The following HMCN1 variants were observed in gnomAD, a reference collection of about 807,000 sequenced individuals.
The protein encoded by HMCN1 is hemicentin 1.
A neutral mutation model predicts 625.9 loss-of-function variants in HMCN1; 321 were observed. That is an observed-to-expected ratio of 0.51 (90% CI 0.47 to 0.56). The LOEUF (loss-of-function observed/expected upper bound fraction) is 0.56, where lower values mean the gene tolerates loss of function less well. Ranked by LOEUF, HMCN1 falls within the 20% of genes least tolerant of loss-of-function variation. The pLI, the probability that HMCN1 is intolerant of heterozygous loss-of-function variation, is 0.00. For synonymous variants in HMCN1, 2,425 were observed against 2,417.6 expected, an observed-to-expected ratio of 1.00 and a Z score of -0.09; for missense variants, 6,588 against 6,887.3, an observed-to-expected ratio of 0.96 and a Z score of 1.54.
intron 4 of HMCN1, among the ~76,000 whole-genome samples, chr1:185,868,605 A>T (rs1663420609): frequency 6.6e-6 from 1 of 152,142 alleles, no homozygotes; most frequent in African/African-American, 2.4e-5. Flanking sequence ...AAGTTTTCTG[A>T]GGCCTCCCCA....
chr1:185,981,340 A>C (rs997170912), intron 17 of HMCN1, among the ~76,000 whole-genome samples: 1 of 152,084 alleles, frequency 6.6e-6, no homozygotes, highest in Non-Finnish European at 1.5e-5. Context: ...ACACACACAC[A>C]CACACACATA....
intron 1 of HMCN1, among the ~76,000 whole-genome samples, chr1:185,739,582 T>A (rs1313498629): frequency 1.3e-5 from 2 of 152,176 alleles, no homozygotes; most frequent in Admixed American, 1.3e-4. Context: ...TTCACAATTG[T>A]GTCTCCACTT....
In HMCN1 at chr1:185,942,220, A is replaced by G. The variant is rs1668119052; in HGVS notation, c.1828+8396A>G. Among the ~76,000 whole-genome samples, 2 of 152,084 alleles carry G rather than the reference A, an allele frequency of 1.3e-5. 1 individual carries two copies. Among genetic ancestry groups the G allele is most frequent in the South Asian group, 4.1e-4 (2 of 4,828 alleles). On this transcript the variant is annotated intron_variant, in intron 11 of 106. Coordinates refer to ENST00000271588, the MANE Select transcript of HMCN1 (RefSeq NM_031935.3). The stretch of plus-strand genomic sequence containing the variant: ...AAAAAAAAAAAAAATCAAAAAAGAA[A>G]AAAAGGATATGAATGACTTAATAAG...
intron 1 of HMCN1, among the ~76,000 whole-genome samples, chr1:185,752,920 G>C (rs535192965): frequency 6.5e-4 from 99 of 152,046 alleles, no homozygotes; most frequent in Non-Finnish European, 9.7e-4. Context: ...TAAACCTAGA[G>C]GCAAAAATTC....
chr1:186,188,000 C>G lies in HMCN1; in HGVS notation c.16532C>G (p.Pro5511Arg), dbSNP rs762279341. The change falls in exon 106 of 107, where the codon CCT (proline) becomes CGT (arginine). Residue 5511 changes from proline (P) to arginine (R), a missense_variant. Pro to Arg is a moderately radical substitution (Grantham distance 103). Coordinates refer to ENST00000271588, the MANE Select transcript of HMCN1 (RefSeq NM_031935.3). ...TPCPPNYQRD[P>R]VSGFCLKNCP... is the part of the protein sequence containing the mutation. The stretch of plus-strand genomic sequence containing the variant: ...TGTCCACCCAACTACCAACGGGATC[C>G]TGTTTCAGGGTATGTCTTGCCTTCT... 2 of 1,613,708 alleles carry G rather than the reference C, an allele frequency of 1.2e-6. No individual in the cohort carries two copies. Among genetic ancestry groups the G allele is most frequent in the African/African-American group, 1.3e-5 (1 of 74,894 alleles).
At chr1:185,993,147 C>T (rs777285155) in intron 22 of HMCN1, 35 bp from the exon 23 acceptor site, 1 of 1,600,890 alleles carries the variant, frequency 6.2e-7, no homozygotes, top group Non-Finnish European at 8.6e-7. Context: ...AAATTCTCCT[C>T]TTCCATGGTC....
In HMCN1 at chr1:186,128,263, A is replaced by G. The variant is rs886045684; in HGVS notation, c.12876A>G (p.Thr4292=). Reference sequence around the variant, plus strand: ...CTGGTATTCCATTGCCCAAATTAACATGGACCTTCAATAACAATATTATTC... The same window carrying G: ...CTGGTATTCCATTGCCCAAATTAACGTGGACCTTCAATAACAATATTATTC... The part of the protein sequence containing the change: ...KATGIPLPKL[T]WTFNNNIIPA... Residue 4292 remains threonine, a synonymous_variant, in exon 83 of 107, where the codon ACA becomes ACG. Transcript: ENST00000271588. 9.9e-6 allele frequency: 16 copies of G among 1,613,190 alleles called. No homozygotes were observed. The highest frequency in any genetic ancestry group is 2.2e-5 in the South Asian group (2 of 91,080).
At chr1:185,943,917 G>C (rs1014089012) in intron 11 of HMCN1, among the ~76,000 whole-genome samples, 4 of 152,044 alleles carry the variant, frequency 2.6e-5, no homozygotes, top group Non-Finnish European at 4.4e-5. Flanking sequence ...GAGATTCCAA[G>C]GGTTTTAGGA....
At chr1:185,990,984 A>G (rs1299918459) in intron 22 of HMCN1, among the ~76,000 whole-genome samples, 1 of 152,210 alleles carries the variant, frequency 6.6e-6, no homozygotes, top group Non-Finnish European at 1.5e-5. Context: ...TCTCTCTTAC[A>G]CTTAAACTTT....
chr1:185,779,360 A>G (rs1647205172), intron 1 of HMCN1, among the ~76,000 whole-genome samples: 1 of 152,076 alleles, frequency 6.6e-6, no homozygotes, highest in Non-Finnish European at 1.5e-5. Context: ...ATTAGATCCC[A>G]TTTGTCAATT....
At position 186,087,584 on chromosome 1, in the gene HMCN1, C is replaced by A. The variant is rs1257117895; in HGVS notation, c.9302C>A (p.Thr3101Lys). 5.0e-6 allele frequency: 8 copies of A among 1,613,262 alleles called. No individual in the cohort carries two copies. The South Asian group carries it at 8.8e-5, about 18-fold the overall frequency. The change falls in exon 60 of 107, where the codon ACA becomes AAA. Residue 3101 changes from threonine (T) to lysine (K), a missense_variant. Coordinates refer to ENST00000271588, the MANE Select transcript of HMCN1 (RefSeq NM_031935.3). The part of the protein sequence containing the change: ...ITWYKNGRMI[T>K]ESTHVEILAD... ...TGGTATAAGAATGGGCGGATGATAA[C>A]AGAGTCTACTCATGTGGAGATTTTA...
At chr1:186,185,618 T>G (rs1653248861) in intron 105 of HMCN1, among the ~76,000 whole-genome samples, 2 of 152,228 alleles carry the variant, frequency 1.3e-5, no homozygotes. Flanking sequence ...ACCCAGTATC[T>G]TTTTACTTTG....
chr1:185,859,128 T>TTGTGTG (rs59835697), intron 2 of HMCN1, among the ~76,000 whole-genome samples: 324 of 138,380 alleles, frequency 2.3e-3, no homozygotes, highest in African/African-American at 7.9e-3. Flanking sequence ...TTTATAAACT[T>TTGTGTG]TGTGTGTGTG....
chr1:185,919,789 C>T (rs764079742), intron 6 of HMCN1, among the ~76,000 whole-genome samples: 3 of 152,200 alleles, frequency 2.0e-5, no homozygotes, highest in African/African-American at 4.8e-5. Context: ...AGTCACTTAA[C>T]CTCTCTTATT....
chr1:186,073,491 C>T (rs2383431), intron 52 of HMCN1, among the ~76,000 whole-genome samples: 94,889 of 151,900 alleles, frequency 0.62, 31,464 homozygotes, highest in African/African-American at 0.87. Flanking sequence ...TTTTTTTAGG[C>T]TGAAATCATC....
chr1:185,893,275 G>C (rs541743262), intron 4 of HMCN1, among the ~76,000 whole-genome samples: 1 of 152,260 alleles, frequency 6.6e-6, no homozygotes, highest in East Asian at 1.9e-4. Context: ...CATCTTCTGC[G>C]TTGCTCAGGC....
At chr1:186,103,777 G>T in intron 69 of HMCN1, 109 bp downstream of exon 69, 2 of 904,018 alleles carry the variant, frequency 2.2e-6, no homozygotes, top group Non-Finnish European at 3.4e-6. Context: ...TCACAGATCT[G>T]TGTAACTGGA....
intron 2 of HMCN1, among the ~76,000 whole-genome samples, chr1:185,846,366 G>A (rs1366499201): frequency 4.6e-5 from 7 of 152,106 alleles, no homozygotes; most frequent in African/African-American, 1.7e-4. Context: ...GTGGCAGATT[G>A]GTCCCTTTAA....
chr1:186,101,550 G>T (rs1329073238), intron 68 of HMCN1, among the ~76,000 whole-genome samples: 1 of 152,064 alleles, frequency 6.6e-6, no homozygotes, highest in African/African-American at 2.4e-5. Context: ...AGTTATTGGA[G>T]TATAGACAAC....
Sources: gnomAD v4.1 joint callset for allele counts (sites outside exome capture counted in the v4.1 genomes callset) on GRCh38, gnomAD v4.1.1 for gene constraint, MANE v1.5 for transcripts, NCBI Gene and HGNC (gene_info 2026-07-23, HGNC 2026-07-21) for gene names.